IMMP2L: variants seen among roughly 807,000 people sequenced by gnomAD.
IMMP2L encodes inner mitochondrial membrane peptidase subunit 2, also known as mitochondrial inner membrane protease subunit 2.
IMMP2L carries 18 observed loss-of-function variants against 19.3 expected under a neutral mutation model. The observed-to-expected ratio is 0.93, with a 90% CI of 0.64 to 1.38. The LOEUF is 1.38. Among genes scored for constraint, IMMP2L ranks in the 40% most tolerant of loss-of-function variants. The pLI is 0.00. For synonymous variants in IMMP2L, 76 were observed against 73.0 expected, an observed-to-expected ratio of 1.04 and a Z score of -0.21; for missense variants, 233 against 218.2, an observed-to-expected ratio of 1.07 and a Z score of -0.43.
At chr7:110,858,952 C>CA (rs1807096640) in intron 5 of IMMP2L, among the ~76,000 whole-genome samples, 1 of 152,070 alleles carries the variant, frequency 6.6e-6, no homozygotes, top group Non-Finnish European at 1.5e-5. Flanking sequence ...TTTGTGGCTC[C>CA]ATAGTATTCA....
At chr7:111,158,502 G>A (rs1463756417) in intron 3 of IMMP2L, among the ~76,000 whole-genome samples, 2 of 152,102 alleles carry the variant, frequency 1.3e-5, no homozygotes, top group Non-Finnish European at 2.9e-5. Flanking sequence ...ATTGCTAAGA[G>A]TAATTTCTAA....
At chr7:110,739,377 C>T (rs1796846914) in intron 5 of IMMP2L, among the ~76,000 whole-genome samples, 1 of 152,044 alleles carries the variant, frequency 6.6e-6, no homozygotes, top group Non-Finnish European at 1.5e-5. Context: ...AAAAGACATT[C>T]CATGCAAATG....
intron 3 of IMMP2L, among the ~76,000 whole-genome samples, chr7:111,207,074 G>A (rs182523873): frequency 1.5e-4 from 23 of 152,174 alleles, no homozygotes; most frequent in Admixed American, 1.4e-3. Context: ...CTCTCCTTTT[G>A]GAATATATTG....
At chr7:111,125,721 G>A (rs559291882) in intron 3 of IMMP2L, among the ~76,000 whole-genome samples, 2 of 149,532 alleles carry the variant, frequency 1.3e-5, no homozygotes, top group East Asian at 4.1e-4. Context: ...TTTTGGAGTA[G>A]ATTAAATTAT....
chr7:111,303,294 AT>A (rs1180939830), intron 3 of IMMP2L, among the ~76,000 whole-genome samples: 3 of 152,116 alleles, frequency 2.0e-5, no homozygotes, highest in African/African-American at 7.2e-5. Context: ...TTAGCAATTT[AT>A]AACGTATGAA....
chr7:111,486,408 A>G (rs1234471938), intron 3 of IMMP2L, among the ~76,000 whole-genome samples: 1 of 152,180 alleles, frequency 6.6e-6, no homozygotes, highest in East Asian at 1.9e-4. Context: ...ACAAATGGGA[A>G]AAGTATTTAC....
intron 3 of IMMP2L, chr7:111,124,453 G>A (rs1382148897): frequency 6.2e-7 from 1 of 1,613,766 alleles, no homozygotes; most frequent in East Asian, 2.2e-5. Flanking sequence ...TGTCAAGACT[G>A]AAAATTCTCA....
intron 3 of IMMP2L, among the ~76,000 whole-genome samples, chr7:111,312,628 A>G (rs1235715233): frequency 1.3e-5 from 2 of 152,120 alleles, no homozygotes; most frequent in Admixed American, 1.3e-4. Context: ...CATAACAGTC[A>G]ATTACAACTT....
chr7:111,470,341 G>C (rs1841122691), intron 3 of IMMP2L, among the ~76,000 whole-genome samples: 1 of 151,820 alleles, frequency 6.6e-6, no homozygotes, highest in South Asian at 2.1e-4. Context: ...TCTAGAACTA[G>C]AAATACCATT....
At chr7:110,736,064 G>T (rs952492824) in intron 5 of IMMP2L, among the ~76,000 whole-genome samples, 6 of 152,006 alleles carry the variant, frequency 3.9e-5, no homozygotes, top group Admixed American at 2.0e-4. Context: ...CAAAATTCAG[G>T]TGCGGTGCTC....
chr7:110,993,999 A>G (rs1227836361), intron 3 of IMMP2L, among the ~76,000 whole-genome samples: 3 of 151,432 alleles, frequency 2.0e-5, no homozygotes, highest in Non-Finnish European at 2.9e-5. Flanking sequence ...GTTAGAACGT[A>G]TCTTCTCTTA....
chr7:110,888,460 A>G (rs1810451539), intron 4 of IMMP2L, among the ~76,000 whole-genome samples: 1 of 152,206 alleles, frequency 6.6e-6, no homozygotes, highest in Admixed American at 6.5e-5. Context: ...GAAAACAATT[A>G]CCAATTTTGT....
chr7:110,893,401 T>A (rs1025880398), intron 4 of IMMP2L, among the ~76,000 whole-genome samples: 10 of 152,188 alleles, frequency 6.6e-5, no homozygotes, highest in Admixed American at 3.9e-4. Flanking sequence ...ATTCTTTTAT[T>A]TCTGGCTTCT....
intron 5 of IMMP2L, among the ~76,000 whole-genome samples, chr7:110,772,755 C>G (rs1799119952): frequency 6.6e-6 from 1 of 152,120 alleles, no homozygotes; most frequent in South Asian, 2.1e-4. Context: ...CCACTCAAGT[C>G]ATTTGTAAGC....
chr7:110,700,062 C>G (rs768949891), intron 5 of IMMP2L, among the ~76,000 whole-genome samples: 4 of 152,174 alleles, frequency 2.6e-5, no homozygotes, highest in Non-Finnish European at 5.9e-5. Context: ...GATAACAACA[C>G]AGCCCAGTTG....
At chr7:111,215,437 A>C (rs1023152686) in intron 3 of IMMP2L, among the ~76,000 whole-genome samples, 29 of 152,170 alleles carry the variant, frequency 1.9e-4, no homozygotes, top group Non-Finnish European at 2.2e-4. Context: ...TTCCCAAACA[A>C]GAATCATGAA....
intron 3 of IMMP2L, chr7:111,411,957 G>A (rs527858277): frequency 1.8e-4 from 28 of 157,534 alleles, no homozygotes; most frequent in East Asian, 1.0e-3. Flanking sequence ...TTGTTGTGAC[G>A]ATTTGTAATT....
chr7:110,800,404 A>G (rs1801164953), intron 5 of IMMP2L, among the ~76,000 whole-genome samples: 1 of 152,100 alleles, frequency 6.6e-6, no homozygotes, highest in Non-Finnish European at 1.5e-5. Context: ...AGGGTTTTCC[A>G]TGAATCTGCA....
rs146361122 is a variant in IMMP2L, at chr7:111,544,130, G to A, written c.-3+17721C>T. Among the ~76,000 whole-genome samples, 322 of 152,020 alleles carry A rather than the reference G, an allele frequency of 2.1e-3. 3 individuals carry two copies. Among genetic ancestry groups the A allele is most frequent in the African/African-American group, 7.4e-3 (305 of 41,456 alleles). On this transcript the variant is annotated intron_variant, in intron 1 of 5. Coordinates refer to ENST00000405709, the MANE Select transcript of IMMP2L (RefSeq NM_032549.4). ...GATGAAGCTGGAAATCCATCATTCT[G>A]AGCAAACTATCCCAAGGACAGAAAC...
Sources: allele counts gnomAD v4.1 joint callset (sites outside exome capture counted in the v4.1 genomes callset), GRCh38; gene constraint gnomAD v4.1.1; transcripts MANE v1.5; gene names NCBI Gene and HGNC (gene_info 2026-07-23, HGNC 2026-07-21).